CAMK2B: variants seen among roughly 807,000 people sequenced by gnomAD.
CAMK2B encodes calcium/calmodulin-dependent protein kinase type II subunit beta.
CAMK2B carries 27 observed loss-of-function variants against 93.7 expected under a neutral mutation model. That is an observed-to-expected ratio of 0.29 (90% CI 0.21 to 0.40). The LOEUF (loss-of-function observed/expected upper bound fraction) is 0.40, where lower values mean the gene tolerates loss of function less well. CAMK2B is among the 10% of genes least tolerant of loss of function. The pLI is 1.00. For missense variants in CAMK2B, 568 were observed against 895.8 expected (o/e 0.63, Z 4.67); for synonymous variants, 374 against 358.8 (o/e 1.04, Z -0.48).
intron 1 of CAMK2B, among the ~76,000 whole-genome samples, chr7:44,302,630 G>A (rs148567934): frequency 3.5e-4 from 54 of 152,152 alleles, no homozygotes; most frequent in African/African-American, 9.1e-4. Flanking sequence ...AATCCAATGC[G>A]TCAACAAGGT....
chr7:44,313,967 CTG>C (rs1794209005), intron 1 of CAMK2B, among the ~76,000 whole-genome samples: 1 of 152,046 alleles, frequency 6.6e-6, no homozygotes, highest in Non-Finnish European at 1.5e-5. Flanking sequence ...CGCATTTCTG[CTG>C]GGGTCCTGAA....
At chr7:44,252,164 T>A (rs1415622157) in intron 5 of CAMK2B, among the ~76,000 whole-genome samples, 1 of 152,056 alleles carries the variant, frequency 6.6e-6, no homozygotes, top group Non-Finnish European at 1.5e-5. Context: ...TGGAGGGAAC[T>A]GGCCTGGTGT....
chr7:44,307,891 G>A (rs1009538303), intron 1 of CAMK2B, among the ~76,000 whole-genome samples: 2 of 151,992 alleles, frequency 1.3e-5, no homozygotes, highest in African/African-American at 2.4e-5. Flanking sequence ...TTAACTGGGG[G>A]GCCTCATTCT....
Position 44,239,620 on chromosome 7 carries a change from G to A in CAMK2B, c.990C>T (p.Ala330=). 6.4e-6 allele frequency: 10 copies of A among 1,550,420 alleles called. No individual in the cohort carries two copies. The highest frequency in any genetic ancestry group is 8.7e-6 in the Non-Finnish European group (10 of 1,146,912). ...TTAPATMSTA[A]SGTTMGLVEQ... ...CCACCAGCCCCATGGTGGTGCCGGA[G>A]GCCGCGGTGGACATTGTGGCCGGAG... is the stretch of plus-strand genomic sequence containing the variant. The change falls in exon 13 of 24, where the codon GCC becomes GCT. Residue 330 remains alanine (A), a synonymous_variant. Coordinates refer to ENST00000395749, the MANE Select transcript of CAMK2B (RefSeq NM_001220.5).
intron 2 of CAMK2B, among the ~76,000 whole-genome samples, chr7:44,274,257 G>A (rs769572640): frequency 1.3e-5 from 2 of 152,184 alleles, no homozygotes; most frequent in Non-Finnish European, 2.9e-5. Flanking sequence ...GAGCCGCTGT[G>A]CAGACCTGTC....
intron 15 of CAMK2B, among the ~76,000 whole-genome samples, chr7:44,233,845 C>T (rs2096601438): frequency 6.6e-6 from 1 of 152,178 alleles, no homozygotes; most frequent in Non-Finnish European, 1.5e-5. Flanking sequence ...GCAAGCCCTC[C>T]CCTTGGCTGC....
intron 2 of CAMK2B, among the ~76,000 whole-genome samples, chr7:44,273,507 G>T (rs1311420928): frequency 6.7e-6 from 1 of 150,164 alleles, no homozygotes; most frequent in Non-Finnish European, 1.5e-5. Context: ...GACAGGAGGG[G>T]CTTGCTAGGC....
chr7:44,221,698 C>T (rs1293559699), intron 20 of CAMK2B, among the ~76,000 whole-genome samples: 1 of 152,126 alleles, frequency 6.6e-6, no homozygotes, highest in Non-Finnish European at 1.5e-5. Context: ...TACTCCCGGG[C>T]GCCTGCCTGC....
chr7:44,239,457 AGGGGCTCCCGGGGGCCTGGC>A, intron 13 of CAMK2B, 112 bp downstream of exon 13: 1 of 733,838 alleles, frequency 1.4e-6, no homozygotes, highest in Non-Finnish European at 2.3e-6. Flanking sequence ...ACACGGGAGC[AGGGGCTCCCGGGGGCCTGGC>A]GGCCTCTGGG....
chr7:44,256,957 C>T (rs1282700200), intron 4 of CAMK2B, among the ~76,000 whole-genome samples: 2 of 152,226 alleles, frequency 1.3e-5, no homozygotes, highest in African/African-American at 4.8e-5. Flanking sequence ...TCCGGGAAGG[C>T]ACACATATGA....
In CAMK2B at chr7:44,219,976, G is replaced by T. The variant is rs565522492; in HGVS notation, c.*2+84C>A. 6 of 1,170,334 alleles carry T rather than the reference G, an allele frequency of 5.1e-6. No homozygotes were observed. In the East Asian group the frequency reaches 1.3e-4, roughly 25 times the overall value. The allele number at this position is 1,170,334 out of a possible 1,614,324, so 72.5% of individuals were successfully genotyped here. A position where few individuals can be genotyped will look rare whatever the true frequency, so the allele number is the denominator to read the frequency against. On this transcript the variant is annotated intron_variant, in intron 23 of 23. Transcript: ENST00000395749. ...GGCATGGCTCTGCACAGGCCCCACC[G>T]CTCCCCATCGCCTCCCCAGGCTGCA...
chr7:44,258,352 G>A (rs1398593843), intron 4 of CAMK2B, among the ~76,000 whole-genome samples: 1 of 152,196 alleles, frequency 6.6e-6, no homozygotes, highest in African/African-American at 2.4e-5. Flanking sequence ...ACATGCACAT[G>A]TATGCACATC....
At chr7:44,278,222 G>A (rs2097067700) in intron 2 of CAMK2B, among the ~76,000 whole-genome samples, 1 of 152,230 alleles carries the variant, frequency 6.6e-6, no homozygotes, top group Non-Finnish European at 1.5e-5. Context: ...ACACCAGAAA[G>A]CTACTGGGTA....
At chr7:44,289,402 A>G (rs1786105117) in intron 1 of CAMK2B, among the ~76,000 whole-genome samples, 1 of 152,168 alleles carries the variant, frequency 6.6e-6, no homozygotes, top group African/African-American at 2.4e-5. Context: ...AGGACCACAC[A>G]ACAGCCCCTC....
At chr7:44,268,903 T>G (rs1562963020) in intron 2 of CAMK2B, 1 of 152,264 alleles carries the variant, frequency 6.6e-6, no homozygotes, top group Admixed American at 6.5e-5. Context: ...TCTGGGCACA[T>G]TACAGGCATT....
intron 1 of CAMK2B, among the ~76,000 whole-genome samples, chr7:44,319,175 G>T (rs1399348988): frequency 6.6e-6 from 1 of 152,136 alleles, no homozygotes; most frequent in African/African-American, 2.4e-5. Flanking sequence ...TTTTTGTGGG[G>T]GAAGAGAGAG....
intron 1 of CAMK2B, among the ~76,000 whole-genome samples, chr7:44,301,059 T>C (rs1254995910): frequency 6.6e-6 from 1 of 152,224 alleles, no homozygotes; most frequent in Non-Finnish European, 1.5e-5. Context: ...AGGGAAATTT[T>C]AAAATATTTT....
At chr7:44,291,248 G>T (rs1786739423) in intron 1 of CAMK2B, among the ~76,000 whole-genome samples, 1 of 152,190 alleles carries the variant, frequency 6.6e-6, no homozygotes, top group South Asian at 2.1e-4. Context: ...GCCAAGGGGG[G>T]AGAGTGTTTG....
chr7:44,234,565 GGA>G, intron 14 of CAMK2B, 72 bp downstream of exon 14: 2 of 1,596,092 alleles, frequency 1.3e-6, no homozygotes, highest in Non-Finnish European at 1.7e-6. Context: ...CTCCAGAGCA[GGA>G]GCCCCAGGGC....
Sources: gnomAD v4.1 joint callset for allele counts (sites outside exome capture counted in the v4.1 genomes callset) on GRCh38, gnomAD v4.1.1 for gene constraint, MANE v1.5 for transcripts, NCBI Gene and HGNC (gene_info 2026-07-23, HGNC 2026-07-21) for gene names.